Variants in PLD4 observed in about 807,000 individuals in gnomAD.
The protein encoded by PLD4 is phospholipase D family member 4.
Under a neutral mutation model 52.3 loss-of-function variants are expected in PLD4, and 54 were observed. The observed-to-expected ratio is 1.03, with a 90% confidence interval of 0.83 to 1.30. The LOEUF (loss-of-function observed/expected upper bound fraction) is 1.30, where lower values mean the gene tolerates loss of function less well. PLD4 is among the 50% of genes most tolerant of loss of function. PLD4 has a pLI of 0.00. For missense variants in PLD4, 731 were observed against 671.1 expected, an observed-to-expected ratio of 1.09 and a Z score of -0.99; for synonymous variants, 264 against 286.5, an observed-to-expected ratio of 0.92 and a Z score of 0.79.
downstream of PLD4, chr14:104,933,852 C>T (rs1595384055): frequency 1.0e-4 from 1 of 9,918 alleles, no homozygotes; most frequent in African/African-American, 6.5e-4. Flanking sequence ...ACCGGGAGGG[C>T]GGGAGGCGAC....
In PLD4 at chr14:104,929,361, G is replaced by C; in HGVS notation, c.523G>C (p.Ala175Pro). The C allele has an allele frequency of 6.4e-7, 1 of 1,568,188 alleles. No homozygotes were observed. ...QQLLGRNISL[A>P]VATSSPTLAR... ...GCTGCTGGGCAGGAACATTTCCCTG[G>C]CTGTGGCCACCAGCAGCCCGACACT... The change falls in exon 5 of 11, where the codon GCT becomes CCT. Residue 175 changes from alanine to proline, a missense_variant. Ala to Pro is a conservative substitution (Grantham distance 27). Transcript: ENST00000392593.
intron 1 of PLD4, among the ~76,000 whole-genome samples, chr14:104,925,792 G>A (rs529408664): frequency 6.6e-6 from 1 of 152,126 alleles, no homozygotes; most frequent in African/African-American, 2.4e-5. Context: ...ATCCCCCAGA[G>A]TTCAGCTCTG....
Position 104,930,822 on chromosome 14 carries a change from A to G in PLD4, c.798A>G (p.Val266=), listed in dbSNP as rs1897618388. 6.2e-7 allele frequency: 1 copy of G among 1,613,538 alleles called. No individual in the cohort carries two copies. The highest frequency in any genetic ancestry group is 8.5e-7 in the Non-Finnish European group (1 of 1,180,012). The change falls in exon 7 of 11, where the codon GTA becomes GTG. Residue 266 remains valine (V), a synonymous_variant. Transcript: ENST00000392593. ...DLEKTFQTYW[V]LGVPKAVLPK... Reference sequence around the variant, plus strand: ...AGAAGACCTTCCAGACCTACTGGGTACTGGGGGTGCCCAAGGCTGTCCTCC... The same window carrying G: ...AGAAGACCTTCCAGACCTACTGGGTGCTGGGGGTGCCCAAGGCTGTCCTCC...
Position 104,933,086 on chromosome 14 carries a change from T to A in PLD4, c.*122T>A. On this transcript the variant is annotated 3_prime_UTR_variant, in exon 11 of 11. Transcript: ENST00000392593. ...GGTCCGCACTGCGCCAGGAGCCGCCTGCGACCGCCCGGGCGTCGCAAACCG... is the reference window on the plus strand; with the variant it reads ...GGTCCGCACTGCGCCAGGAGCCGCCAGCGACCGCCCGGGCGTCGCAAACCG... 1 of 1,199,016 alleles carries A rather than the reference T, an allele frequency of 8.3e-7. No individual in the cohort carries two copies. Among genetic ancestry groups the A allele is most frequent in the South Asian group, 1.7e-5 (1 of 57,960 alleles). The allele number at this position is 1,199,016 out of a possible 1,614,324, so 74.3% of individuals were successfully genotyped here.
rs753445621 is a variant in PLD4 at position 104,932,735 on chromosome 14, G to T, written c.1322-30G>T. On this transcript the variant is annotated intron_variant, in intron 10 of 10. Transcript: ENST00000392593. This position sits in a 1 kb window ranked among gnomAD's most constrained non-coding sequence, Gnocchi z 6.5. ...TGCAGAGGGGCCTGTGGGAGCCGGC[G>T]CCCCAGTGTCTCCTCCATCCTCCCC... 4 of 1,494,962 alleles carry T rather than the reference G, an allele frequency of 2.7e-6. No homozygotes were observed. The allele number at this position is 1,494,962 out of a possible 1,614,324, so 92.6% of individuals were successfully genotyped here. A position where few individuals can be genotyped will look rare whatever the true frequency, so the allele number is the denominator to read the frequency against.
In PLD4 at chr14:104,931,740, C is replaced by A; in HGVS notation, c.919-8C>A. 1 of 1,581,412 alleles carries A rather than the reference C, an allele frequency of 6.3e-7. No homozygotes were observed. The highest frequency in any genetic ancestry group is 1.8e-5 in the Admixed American group (1 of 56,110). On this transcript the variant is annotated splice_polypyrimidine_tract_variant and splice_region_variant and intron_variant, in intron 7 of 10. Coordinates refer to ENST00000392593, the MANE Select transcript of PLD4 (RefSeq NM_138790.5). ...GCAGAGCCTTCAGGGATTTCTCTCCCGTCACAGGCGTCGCCACCAGCACTC... is the reference window on the plus strand; with the variant it reads ...GCAGAGCCTTCAGGGATTTCTCTCCAGTCACAGGCGTCGCCACCAGCACTC...
intron 3 of PLD4, 124 bp from the exon 4 acceptor site, chr14:104,928,624 TG>T: frequency 3.0e-6 from 3 of 988,266 alleles, no homozygotes; most frequent in Non-Finnish European, 4.5e-6. Context: ...ACACTTGGCC[TG>T]GGCTCATCCC....
In PLD4 at chr14:104,930,827, G is replaced by A. The variant is rs1897619027; in HGVS notation, c.803G>A (p.Gly268Glu). The A allele has an allele frequency of 1.2e-6, 2 of 1,613,522 alleles. No individual in the cohort carries two copies. Among genetic ancestry groups the A allele is most frequent in the East Asian group, 2.2e-5 (1 of 44,884 alleles). ...ACCTTCCAGACCTACTGGGTACTGG[G>A]GGTGCCCAAGGCTGTCCTCCCCAAA... ...EKTFQTYWVL[G>E]VPKAVLPKTW... Residue 268 changes from glycine (G) to glutamate (E), a missense_variant, in exon 7 of 11, where the codon GGG becomes GAG. Transcript: ENST00000392593.
chr14:104,935,993 T>C (rs1415198921), downstream of PLD4: 3 of 152,184 alleles, frequency 2.0e-5, no homozygotes, highest in African/African-American at 7.2e-5. Flanking sequence ...AACTGGGAGA[T>C]CATAAATGTG....
rs750901959 is a variant in PLD4, at chr14:104,932,061, G to GGCGTGC, written c.1117_1122dup (p.Val373_Arg374dup). 40 of 1,608,504 alleles carry GGCGTGC rather than the reference G, an allele frequency of 2.5e-5. 1 individual carries two copies. The South Asian group carries it at 3.4e-4, about 14-fold the overall frequency. On this transcript the variant is annotated inframe_insertion, in exon 9 of 11. Coordinates refer to ENST00000392593, the MANE Select transcript of PLD4 (RefSeq NM_138790.5). This position sits in a 1 kb window ranked among gnomAD's most constrained non-coding sequence, Gnocchi z 6.5. Reference sequence around the variant, plus strand: ...GCTGCGGGCGGCAGCCTTCGGCAAGGGCGTGCGCGTGCGCCTGCTGGTCGG... The same window carrying GGCGTGC: ...GCTGCGGGCGGCAGCCTTCGGCAAGGGCGTGCGCGTGCGCGTGCGCCTGCTGGTCGG...
intron 6 of PLD4, 128 bp downstream of exon 6, chr14:104,930,233 G>A (rs1595380321): frequency 7.7e-7 from 1 of 1,290,720 alleles, no homozygotes; most frequent in Non-Finnish European, 1.1e-6. Context: ...ATTCACTATG[G>A]TAGAAACAAC....
chr14:104,929,072 G>A (rs1195563614), intron 4 of PLD4, 140 bp downstream of exon 4: 16 of 1,255,006 alleles, frequency 1.3e-5, no homozygotes, highest in South Asian at 3.1e-5. Context: ...GGATTAGGCC[G>A]CTCCTTTGGG....
intron 3 of PLD4, 129 bp downstream of exon 3, chr14:104,927,995 C>G: frequency 6.7e-6 from 7 of 1,044,700 alleles, no homozygotes; most frequent in Non-Finnish European, 8.0e-6. Flanking sequence ...GTGCAGGTCA[C>G]CAGGGAGGGC....
In PLD4 at chr14:104,933,142, C is replaced by A. The variant is rs1226773539; in HGVS notation, c.*178C>A. ...CTGCTCTCTGATTTCCGAGTCCAGC[C>A]CCCCCTGAGCCCCACCTCCTCCAGG... On this transcript the variant is annotated 3_prime_UTR_variant, in exon 11 of 11. Transcript: ENST00000392593. 15 of 660,130 alleles carry A rather than the reference C, an allele frequency of 2.3e-5. No individual in the cohort carries two copies. Among genetic ancestry groups the A allele is most frequent in the Middle Eastern group, 4.3e-4 (1 of 2,312 alleles). The allele number at this position is 660,130 out of a possible 1,614,324, so 40.9% of individuals were successfully genotyped here.
intron 7 of PLD4, 34 bp downstream of exon 7, chr14:104,930,976 CCCTGTTCTCCCCTGGCTGG>C: frequency 6.2e-7 from 1 of 1,601,054 alleles, no homozygotes; most frequent in Non-Finnish European, 8.6e-7. Flanking sequence ...CATCAGAGGC[CCCTGTTCTCCCCTGGCTGG>C]CCAGACCCAC....
rs771721622 is a variant in PLD4 at position 104,932,275 on chromosome 14, C to G, written c.1241C>G (p.Pro414Arg). 54 of 1,612,598 alleles carry G rather than the reference C, an allele frequency of 3.3e-5. No homozygotes were observed. The highest frequency in any genetic ancestry group is 4.1e-5 in the Non-Finnish European group (48 of 1,179,844). The change falls in exon 10 of 11, where the codon CCG (proline) becomes CGG (arginine). Residue 414 changes from proline to arginine, a missense_variant. Physicochemically the swap from Pro to Arg is moderately radical, Grantham distance 103. Coordinates refer to ENST00000392593, the MANE Select transcript of PLD4 (RefSeq NM_138790.5). This position sits in a 1 kb window ranked among gnomAD's most constrained non-coding sequence, Gnocchi z 6.5. ...TCCCCTAAGAAAGTCTTCATCGTGC[C>G]GGTGGGGAACCATTCCAACATCCCA... is the stretch of plus-strand genomic sequence containing the variant. ...VSVDVKVFIVPVGNHSNIPFS... is the reference protein window; with the variant it reads ...VSVDVKVFIVRVGNHSNIPFS...
intron 6 of PLD4, chr14:104,930,489 A>G (rs1897605379): frequency 8.6e-6 from 5 of 584,734 alleles, no homozygotes; most frequent in Admixed American, 3.1e-5. Flanking sequence ...GGCTTGATGC[A>G]TTTTCTATTG....
chr14:104,930,025 T>C lies in PLD4; in HGVS notation c.637T>C (p.Leu213=), dbSNP rs752129018. The change falls in exon 6 of 11, where the codon TTG becomes CTG. Residue 213 remains leucine (L), a synonymous_variant. Coordinates refer to ENST00000392593, the MANE Select transcript of PLD4 (RefSeq NM_138790.5). ...CATGGGGCGGCTCACCAGGGGTGTT[T>C]TGCACTCCAAATTCTGGGTTGTGGA... ...VPMGRLTRGV[L]HSKFWVVDGR... is the part of the protein sequence containing the mutation. 1.9e-6 allele frequency: 3 copies of C among 1,613,518 alleles called. No individual in the cohort carries two copies. The East Asian group carries it at 6.7e-5, about 36-fold the overall frequency.
chr14:104,933,194 A>C lies in PLD4; in HGVS notation c.*230A>C. The C allele has an allele frequency of 1.8e-5, 9 of 496,502 alleles. 1 individual carries two copies. In the South Asian group the frequency reaches 2.3e-4, roughly 13 times the overall value. The allele number at this position is 496,502 out of a possible 1,614,324, so 30.8% of individuals were successfully genotyped here. On this transcript the variant is annotated 3_prime_UTR_variant, in exon 11 of 11. Transcript: ENST00000392593. ...AGCCCTCCAGGAAGCCCCTTCCCTG[A>C]CTCCTGGCCCACAGGCCAGGCCTAA...
Sources: gnomAD v4.1 joint callset for allele counts (sites outside exome capture counted in the v4.1 genomes callset) on GRCh38, gnomAD v4.1.1 for gene constraint, Gnocchi (gnomAD v3.1) non-coding constraint, MANE v1.5 for transcripts, NCBI Gene and HGNC (gene_info 2026-07-23, HGNC 2026-07-21) for gene names.